Variants in ERICH3 observed in about 807,000 individuals in gnomAD.
ERICH3 encodes the protein glutamate-rich protein 3.
A neutral mutation model predicts 131.1 loss-of-function variants in ERICH3; 126 were observed. That is an observed-to-expected ratio of 0.96 (90% CI 0.83 to 1.11). The LOEUF (loss-of-function observed/expected upper bound fraction) is 1.11, where lower values mean the gene tolerates loss of function less well. Among genes scored for constraint, ERICH3 ranks in the 50% most tolerant of loss-of-function variants. The pLI is 0.00. For missense variants in ERICH3, 2,050 were observed against 1,810.7 expected (o/e 1.13, Z -2.40); for synonymous variants, 695 against 644.6 (o/e 1.08, Z -1.18).
chr1:74,659,161 A>G (rs1321704932), intron 1 of ERICH3, among the ~76,000 whole-genome samples: 1 of 152,098 alleles, frequency 6.6e-6, no homozygotes, highest in African/African-American at 2.4e-5. Context: ...GTGCCTGGCC[A>G]TTTGAGGGGC....
chr1:74,672,331 CTAAAT>C (rs1236149272), intron 1 of ERICH3, among the ~76,000 whole-genome samples: 1 of 152,114 alleles, frequency 6.6e-6, no homozygotes, highest in Non-Finnish European at 1.5e-5. Flanking sequence ...TAAAAAGTAC[CTAAAT>C]TAAATTCAAC....
chr1:74,673,670 C>T lies in ERICH3; in HGVS notation c.-151G>A. On this transcript the variant is annotated 5_prime_UTR_variant, in exon 1 of 15. Coordinates refer to ENST00000326665, the MANE Select transcript of ERICH3 (RefSeq NM_001002912.5). ...GCACCTGGGCTGGGCCGCCGCCGCC[C>T]CTGGGCGCCCGGGCTACCCGCAGCC... 1 of 677,696 alleles carries T rather than the reference C, an allele frequency of 1.5e-6. No individual in the cohort carries two copies. The highest frequency in any genetic ancestry group is 2.2e-6 in the Non-Finnish European group (1 of 456,424). 42.0% of individuals were successfully genotyped at this position (677,696 alleles called of 1,614,324 possible).
chr1:74,589,366 G>C (rs1647476727), intron 12 of ERICH3: 2 of 541,164 alleles, frequency 3.7e-6, no homozygotes, highest in African/African-American at 3.8e-5. Flanking sequence ...TCATTCCTGA[G>C]ATGGAATTCC....
intron 2 of ERICH3, among the ~76,000 whole-genome samples, chr1:74,647,517 G>A (rs1310968807): frequency 2.0e-5 from 3 of 152,100 alleles, no homozygotes; most frequent in Non-Finnish European, 4.4e-5. Context: ...GGTCTCAACT[G>A]GCATCATTGC....
intron 1 of ERICH3, among the ~76,000 whole-genome samples, chr1:74,652,068 A>T (rs1321984576): frequency 6.6e-6 from 1 of 152,168 alleles, no homozygotes; most frequent in Non-Finnish European, 1.5e-5. Flanking sequence ...ACTTGTAAGC[A>T]ACTCCTTCCA....
At chr1:74,665,070 T>G (rs1646677076) in intron 1 of ERICH3, among the ~76,000 whole-genome samples, 1 of 152,062 alleles carries the variant, frequency 6.6e-6, no homozygotes, top group African/African-American at 2.4e-5. Flanking sequence ...AGGAGTTGAT[T>G]AGGTGAAGGT....
chr1:74,586,804 T>C (rs1647351223), intron 12 of ERICH3, among the ~76,000 whole-genome samples: 1 of 152,124 alleles, frequency 6.6e-6, no homozygotes, highest in African/African-American at 2.4e-5. Flanking sequence ...GATCACGTTA[T>C]AATGTTAAGA....
Position 74,584,601 on chromosome 1 carries a change from A to T in ERICH3, c.2176+5030T>A, listed in dbSNP as rs111439486. On this transcript the variant is annotated intron_variant, in intron 12 of 14. Coordinates refer to ENST00000326665, the MANE Select transcript of ERICH3 (RefSeq NM_001002912.5). ...CAGATGTCCGATTATTAGAGAGGCC[A>T]TCCCAAAAATACTACCCCTTCCTCA... Among the ~76,000 whole-genome samples, 801 of 152,290 alleles carry T rather than the reference A, an allele frequency of 5.3e-3. 9 individuals are homozygous for T. Among genetic ancestry groups the T allele is most frequent in the African/African-American group, 0.019 (769 of 41,560 alleles).
chr1:74,635,710 A>G (rs1176377324), intron 6 of ERICH3, among the ~76,000 whole-genome samples: 2 of 152,146 alleles, frequency 1.3e-5, no homozygotes, highest in Non-Finnish European at 2.9e-5. Context: ...CCTGTGCTCT[A>G]TTAAAATAAG....
intron 3 of ERICH3, 126 bp downstream of exon 3, chr1:74,646,541 C>A: frequency 1.8e-6 from 1 of 570,784 alleles, no homozygotes; most frequent in East Asian, 3.8e-5. Context: ...GGTACAAAAG[C>A]ATTATTAATT....
At chr1:74,581,022 A>G (rs567792751) in intron 12 of ERICH3, among the ~76,000 whole-genome samples, 1 of 152,312 alleles carries the variant, frequency 6.6e-6, no homozygotes, top group East Asian at 1.9e-4. Context: ...TATTTCTTCC[A>G]GAGTTTGTTT....
intron 8 of ERICH3, among the ~76,000 whole-genome samples, chr1:74,618,255 A>G (rs1649066132): frequency 6.6e-6 from 1 of 152,230 alleles, no homozygotes; most frequent in Non-Finnish European, 1.5e-5. Flanking sequence ...GATAAAACAG[A>G]GTAGAAGTCA....
At chr1:74,607,838 C>G (rs983937064) in intron 9 of ERICH3, among the ~76,000 whole-genome samples, 1 of 151,768 alleles carries the variant, frequency 6.6e-6, no homozygotes, top group Admixed American at 6.6e-5. Context: ...ATAATATATA[C>G]ATTAATAAAA....
chr1:74,656,309 A>T (rs1370652170), intron 1 of ERICH3, among the ~76,000 whole-genome samples: 1 of 152,122 alleles, frequency 6.6e-6, no homozygotes, highest in African/African-American at 2.4e-5. Context: ...AATGCTTTGG[A>T]CTGATGACCT....
intron 8 of ERICH3, among the ~76,000 whole-genome samples, chr1:74,615,866 G>C (rs1050953977): frequency 6.6e-6 from 1 of 152,164 alleles, no homozygotes; most frequent in African/African-American, 2.4e-5. Flanking sequence ...ACTTGATTTA[G>C]AGTGCAAGGA....
intron 12 of ERICH3, chr1:74,579,568 T>A (rs1647139616): frequency 2.0e-6 from 2 of 985,290 alleles, no homozygotes; most frequent in Non-Finnish European, 2.4e-6. Context: ...GATGCTGGCC[T>A]AAGTATCAAG....
intron 2 of ERICH3, among the ~76,000 whole-genome samples, chr1:74,648,078 G>T (rs1646500754): frequency 6.6e-6 from 1 of 152,058 alleles, no homozygotes; most frequent in African/African-American, 2.4e-5. Context: ...CGCATTTTCT[G>T]TAGGGTTTCT....
At chr1:74,666,994 T>C (rs1258193503) in intron 1 of ERICH3, among the ~76,000 whole-genome samples, 3 of 152,208 alleles carry the variant, frequency 2.0e-5, no homozygotes, top group Non-Finnish European at 2.9e-5. Context: ...AGTAGGGCAC[T>C]GCACAAGTCT....
chr1:74,622,918 C>G (rs947579666), intron 7 of ERICH3: 2 of 152,026 alleles, frequency 1.3e-5, no homozygotes, highest in Non-Finnish European at 2.9e-5. Flanking sequence ...AAAAAATATT[C>G]CCTAATTATT....
Sources: gnomAD v4.1 joint callset for allele counts (sites outside exome capture counted in the v4.1 genomes callset) on GRCh38, gnomAD v4.1.1 for gene constraint, MANE v1.5 for transcripts, NCBI Gene and HGNC (gene_info 2026-07-23, HGNC 2026-07-21) for gene names.